Variants in ABR observed in about 807,000 individuals in gnomAD.
ABR encodes active breakpoint cluster region-related protein.
A neutral mutation model predicts 107.2 loss-of-function variants in ABR; 35 were observed. The observed-to-expected ratio is 0.33, with a 90% CI of 0.25 to 0.43. ABR has a LOEUF of 0.43. Ranked by LOEUF, ABR falls within the 20% of genes least tolerant of loss-of-function variation. ABR has a pLI of 1.00. For synonymous variants in ABR, 498 were observed against 462.0 expected (o/e 1.08, Z -1.00); for missense variants, 815 against 1,115.2 (o/e 0.73, Z 3.83).
At chr17:1,198,534 G>C (rs2042612553) in intron 1 of ABR, among the ~76,000 whole-genome samples, 1 of 151,332 alleles carries the variant, frequency 6.6e-6, no homozygotes, top group Admixed American at 6.6e-5. Flanking sequence ...CCTGAGATCA[G>C]GAGTTCGAGA....
Position 1,071,456 on chromosome 17 carries a change from G to A in ABR, c.894+1158C>T, listed in dbSNP as rs912952420. 2.6e-5 allele frequency among the ~76,000 whole-genome samples: 4 copies of A among 152,170 alleles called. No homozygotes were observed. The highest frequency in any genetic ancestry group is 4.4e-5 in the Non-Finnish European group (3 of 68,028). On this transcript the variant is annotated intron_variant, in intron 8 of 22. Coordinates refer to ENST00000302538, the MANE Select transcript of ABR (RefSeq NM_021962.5). This position sits in a 1 kb window ranked among gnomAD's most constrained non-coding sequence, Gnocchi z 5.1. ...GACAGGAAGCCTTTCACCCGGGCCC[G>A]GCTGCCAATCCACGAAGGCAACTGT...
At chr17:1,225,003 G>C (rs1419190963) in intron 1 of ABR, among the ~76,000 whole-genome samples, 2 of 151,914 alleles carry the variant, frequency 1.3e-5, no homozygotes, top group African/African-American at 4.8e-5. Flanking sequence ...CAAAAAATTA[G>C]ACAGGCGTGG....
Position 1,064,631 on chromosome 17 carries a change from T to G in ABR, c.1182+2446A>C, listed in dbSNP as rs56409519. ...TATGTTCCTCTAGACACTGTTGTTA[T>G]GTGAACTGAGGGCTATGCATGTTCC... On this transcript the variant is annotated intron_variant, in intron 10 of 22. Transcript: ENST00000302538. Among the ~76,000 whole-genome samples, 4 of 97,452 alleles carry G rather than the reference T, an allele frequency of 4.1e-5. No homozygotes were observed. In the East Asian group the frequency reaches 1.3e-3, roughly 31 times the overall value. The allele number at this position is 97,452 out of a possible 152,430, so 63.9% of individuals were successfully genotyped here.
intron 8 of ABR, among the ~76,000 whole-genome samples, chr17:1,072,060 C>T (rs559242713): frequency 9.8e-5 from 15 of 152,298 alleles, no homozygotes; most frequent in South Asian, 6.2e-4. Context: ...TCCGCCACCA[C>T]GCCCAGCTAA....
At chr17:1,124,466 C>T (rs2039499217) in intron 2 of ABR, among the ~76,000 whole-genome samples, 1 of 152,244 alleles carries the variant, frequency 6.6e-6, no homozygotes, top group Non-Finnish European at 1.5e-5. Flanking sequence ...CCCCCAGAAC[C>T]TCTGTTTTGC....
chr17:1,095,980 C>A (rs1429708157), intron 3 of ABR, among the ~76,000 whole-genome samples: 3 of 152,208 alleles, frequency 2.0e-5, no homozygotes, highest in Admixed American at 1.3e-4. Flanking sequence ...TCGTGGCCAG[C>A]GGTGGGAGGG....
intron 16 of ABR, among the ~76,000 whole-genome samples, chr17:1,018,510 C>T (rs2071379375): frequency 6.6e-6 from 1 of 152,234 alleles, no homozygotes; most frequent in Non-Finnish European, 1.5e-5. Context: ...TCCTCCGCCC[C>T]AGCTTCCCAC....
chr17:1,152,997 G>A (rs2040861603), intron 1 of ABR, among the ~76,000 whole-genome samples: 1 of 151,920 alleles, frequency 6.6e-6, no homozygotes, highest in Non-Finnish European at 1.5e-5. Context: ...GCTGAGGCAG[G>A]AGAATCGCCT....
intron 1 of ABR, among the ~76,000 whole-genome samples, chr17:1,163,313 C>A (rs944201691): frequency 6.6e-6 from 1 of 152,182 alleles, no homozygotes; most frequent in Non-Finnish European, 1.5e-5. Context: ...CTGTATCGAC[C>A]CTGTAAAAGC....
intron 1 of ABR, among the ~76,000 whole-genome samples, chr17:1,152,860 A>C (rs12938345): frequency 2.6e-5 from 4 of 151,680 alleles, no homozygotes; most frequent in Non-Finnish European, 5.9e-5. Context: ...TTGGGAGGCC[A>C]AGGTGGGTGG....
At position 1,151,374 on chromosome 17, in the gene ABR, A is replaced by C. The variant is rs148086385; in HGVS notation, c.62-26007T>G. Among the ~76,000 whole-genome samples, 7 of 152,182 alleles carry C rather than the reference A, an allele frequency of 4.6e-5. No individual in the cohort carries two copies. In the East Asian group the frequency reaches 1.4e-3, roughly 29 times the overall value. Reference sequence around the variant, plus strand: ...TCTGACAATTCATCCTAATCCCTAGAGGGCCCCAAGCAAAAATCCCAAGCT... The same window carrying C: ...TCTGACAATTCATCCTAATCCCTAGCGGGCCCCAAGCAAAAATCCCAAGCT... On this transcript the variant is annotated intron_variant, in intron 1 of 22. Coordinates refer to ENST00000302538, the MANE Select transcript of ABR (RefSeq NM_021962.5).
intron 2 of ABR, among the ~76,000 whole-genome samples, chr17:1,114,802 G>A (rs2038910000): frequency 6.6e-6 from 1 of 152,128 alleles, no homozygotes; most frequent in African/African-American, 2.4e-5. Flanking sequence ...TAGAGATGCT[G>A]GTGGGGCTGG....
intron 16 of ABR, among the ~76,000 whole-genome samples, chr17:1,030,507 G>T (rs1001589953): frequency 3.3e-5 from 5 of 152,246 alleles, no homozygotes; most frequent in African/African-American, 1.2e-4. Flanking sequence ...CCAGTCCCCA[G>T]GGAGGCTGAA....
chr17:1,072,547 G>A, intron 8 of ABR, 67 bp downstream of exon 8: 1 of 1,480,660 alleles, frequency 6.8e-7, no homozygotes, highest in South Asian at 1.4e-5. Context: ...CCGTGTGTGA[G>A]AGAAGGGGAC....
At chr17:1,168,170 C>A (rs2041586270) in intron 1 of ABR, among the ~76,000 whole-genome samples, 1 of 152,160 alleles carries the variant, frequency 6.6e-6, no homozygotes, top group South Asian at 2.1e-4. Flanking sequence ...CCTGTAATCC[C>A]AGCTACTCGG....
intron 3 of ABR, among the ~76,000 whole-genome samples, chr17:1,094,855 G>A (rs369756504): frequency 4.2e-5 from 6 of 144,140 alleles, no homozygotes; most frequent in South Asian, 2.2e-4. Context: ...GAGTGGGGGC[G>A]TAGAGAGGCA....
rs536765904 is a variant in ABR at position 1,038,966 on chromosome 17, C to T, written c.1791+11084G>A. 1.2e-4 allele frequency among the ~76,000 whole-genome samples: 19 copies of T among 152,348 alleles called. No homozygotes were observed. The South Asian group carries it at 3.5e-3, about 28-fold the overall frequency. On this transcript the variant is annotated intron_variant, in intron 16 of 22. Coordinates refer to ENST00000302538, the MANE Select transcript of ABR (RefSeq NM_021962.5). ...GGGAGGAATCTATGTCTGCGGCTTT[C>T]GCCTCGGCGAGTTCGCTGAATGCCA...
Position 1,024,783 on chromosome 17 carries a change from C to CAA in ABR, c.1792-11621_1792-11620dup, listed in dbSNP as rs57876178. On this transcript the variant is annotated intron_variant, in intron 16 of 22. Transcript: ENST00000302538. ...CCTGGGCGAGAGAGTGAGACTCCCA[C>CAA]AAAAAAAAAAAAAAAAAAAATTAAA... 2.9e-4 allele frequency among the ~76,000 whole-genome samples: 27 copies of CAA among 92,756 alleles called. 1 individual carries two copies. Among genetic ancestry groups the CAA allele is most frequent in the Middle Eastern group, 8.5e-3 (1 of 118 alleles). 60.9% of individuals were successfully genotyped at this position (92,756 alleles called of 152,430 possible).
At chr17:1,109,107 T>C in intron 2 of ABR, 1 of 1,466,490 alleles carries the variant, frequency 6.8e-7, no homozygotes. Flanking sequence ...GGAAGCGGGG[T>C]CCACGCAGCG....
Sources: gnomAD v4.1 joint callset for allele counts (sites outside exome capture counted in the v4.1 genomes callset) on GRCh38, gnomAD v4.1.1 for gene constraint, Gnocchi (gnomAD v3.1) non-coding constraint, MANE v1.5 for transcripts, NCBI Gene and HGNC (gene_info 2026-07-23, HGNC 2026-07-21) for gene names.